The following KIAA0319 variants were observed in gnomAD, a reference collection of about 807,000 sequenced individuals.
KIAA0319 encodes KIAA0319, also known as dyslexia-associated protein KIAA0319.
A neutral mutation model predicts 108.4 loss-of-function variants in KIAA0319; 83 were observed. That is an observed-to-expected ratio of 0.77 (90% CI 0.64 to 0.92). The LOEUF is 0.92. KIAA0319 is among the 40% of genes least tolerant of loss of function. The probability of loss-of-function intolerance (pLI) is 0.00; values close to 1 mark genes in which losing one functional copy is unlikely to be tolerated. For missense variants in KIAA0319, 1,195 were observed against 1,322.4 expected (o/e 0.90, Z 1.49); for synonymous variants, 484 against 510.4 (o/e 0.95, Z 0.70).
chr6:24,543,232 G>T (rs1166786934), downstream of KIAA0319, among the ~76,000 whole-genome samples: 1 of 152,140 alleles, frequency 6.6e-6, no homozygotes, highest in Non-Finnish European at 1.5e-5. Flanking sequence ...TACCATATAT[G>T]AAACTCCAGA....
At chr6:24,642,289 AAAG>A (rs1315104985) in intron 1 of KIAA0319, among the ~76,000 whole-genome samples, 1 of 152,090 alleles carries the variant, frequency 6.6e-6, no homozygotes, top group Non-Finnish European at 1.5e-5. Flanking sequence ...AGAAAGAAAG[AAAG>A]AAGAAAAGAA....
At chr6:24,556,058 G>A (rs60960308) in intron 18 of KIAA0319, among the ~76,000 whole-genome samples, 6,619 of 152,192 alleles carry the variant, frequency 0.043, 412 homozygotes, top group African/African-American at 0.14. Context: ...CAAGTGAGCT[G>A]GTTCACTTGG....
chr6:24,594,628 C>CA (rs35385464), intron 3 of KIAA0319, among the ~76,000 whole-genome samples: 31,905 of 86,458 alleles, frequency 0.37, 4,463 homozygotes, highest in Non-Finnish European at 0.46. Context: ...CTCTGTCTCA[C>CA]AAAAAAAAAA....
chr6:24,603,181 T>C (rs1770898371), intron 1 of KIAA0319, among the ~76,000 whole-genome samples: 1 of 152,250 alleles, frequency 6.6e-6, no homozygotes, highest in African/African-American at 2.4e-5. Flanking sequence ...ATTTAGTTAA[T>C]ATAAGCACTT....
chr6:24,581,139 A>G, intron 6 of KIAA0319, 126 bp from the exon 7 acceptor site: 1 of 664,056 alleles, frequency 1.5e-6, no homozygotes, highest in Non-Finnish European at 2.7e-6. Flanking sequence ...CTCAGGAGAC[A>G]GTCTCATTTG....
chr6:24,583,808 G>T, intron 4 of KIAA0319, 106 bp from the exon 5 acceptor site: 1 of 730,286 alleles, frequency 1.4e-6, no homozygotes, highest in Non-Finnish European at 2.3e-6. Flanking sequence ...AATAACATAT[G>T]CTTTTGTAAT....
intron 1 of KIAA0319, among the ~76,000 whole-genome samples, chr6:24,611,885 C>A (rs998389441): frequency 1.8e-4 from 27 of 151,558 alleles, no homozygotes; most frequent in African/African-American, 6.5e-4. Flanking sequence ...GAGAACCTAT[C>A]CCTTAAAAAA....
chr6:24,580,864 C>A, intron 7 of KIAA0319, 62 bp downstream of exon 7: 2 of 1,074,080 alleles, frequency 1.9e-6, no homozygotes, highest in Non-Finnish European at 2.9e-6. Flanking sequence ...ATAGAGTCAT[C>A]CAGGCACCAA....
rs779914819 is a variant in KIAA0319, at chr6:24,579,999, T to A, written c.1280-49A>T. The A allele has an allele frequency of 2.2e-6, 3 of 1,339,726 alleles. No individual in the cohort carries two copies. In the Admixed American group the frequency reaches 6.2e-5, roughly 28 times the overall value. The allele number at this position is 1,339,726 out of a possible 1,614,324, so 83.0% of individuals were successfully genotyped here. A position where few individuals can be genotyped will look rare whatever the true frequency, so the allele number is the denominator to read the frequency against. On this transcript the variant is annotated intron_variant, in intron 7 of 20. Transcript: ENST00000378214. ...ACTGAGCCCATCTTGTGTAGGCATA[T>A]GTCATTACCCACATAAAATCATCTA...
rs372899347 is a variant in KIAA0319, at chr6:24,583,585, A to C, written c.1093+19T>G. The C allele has an allele frequency of 1.3e-6, 2 of 1,552,108 alleles. No homozygotes were observed. The highest frequency in any genetic ancestry group is 3.4e-5 in the Admixed American group (2 of 59,274). ...ACACCCCAGTTCCTAGTGGTCAGGGAGGAAGGTTAAACTCTCACCTACAGG... is the reference window on the plus strand; with the variant it reads ...ACACCCCAGTTCCTAGTGGTCAGGGCGGAAGGTTAAACTCTCACCTACAGG... On this transcript the variant is annotated intron_variant, in intron 5 of 20. Coordinates refer to ENST00000378214, the MANE Select transcript of KIAA0319 (RefSeq NM_014809.4).
rs559995249 is a variant in KIAA0319, at chr6:24,565,521, G to A, written c.2292+1076C>T. Among the ~76,000 whole-genome samples, 13 of 152,098 alleles carry A rather than the reference G, an allele frequency of 8.5e-5. No individual in the cohort carries two copies. In the East Asian group the frequency reaches 2.3e-3, roughly 27 times the overall value. On this transcript the variant is annotated intron_variant, in intron 14 of 20. Transcript: ENST00000378214. Reference sequence around the variant, plus strand: ...TGTAATCCCAGTACTTTGGGAGGCCGAAGCGGGTGGATCACAAGGTCAAGA... The same window carrying A: ...TGTAATCCCAGTACTTTGGGAGGCCAAAGCGGGTGGATCACAAGGTCAAGA...
Position 24,547,184 on chromosome 6 carries a change from T to C in KIAA0319, c.3200A>G (p.Tyr1067Cys). The change falls in exon 21 of 21, where the codon TAT (tyrosine) becomes TGT (cysteine). Residue 1067 changes from tyrosine to cysteine, a missense_variant. Physicochemically the swap from Tyr to Cys is radical, Grantham distance 194. Coordinates refer to ENST00000378214, the MANE Select transcript of KIAA0319 (RefSeq NM_014809.4). The part of the protein sequence containing the change: ...GSIRNGASFS[Y>C]CSKDR ...GCGCCATTATCTGTCCTTTGAGCAATAACTGAAGGAAGCTCCATTTCTGAT... is the reference window on the plus strand; with the variant it reads ...GCGCCATTATCTGTCCTTTGAGCAACAACTGAAGGAAGCTCCATTTCTGAT... The C allele has an allele frequency of 6.2e-7, 1 of 1,614,152 alleles. No homozygotes were observed. The highest frequency in any genetic ancestry group is 1.7e-5 in the Admixed American group (1 of 60,026).
intron 9 of KIAA0319, among the ~76,000 whole-genome samples, chr6:24,577,179 G>A (rs1484014066): frequency 6.6e-6 from 1 of 152,136 alleles, no homozygotes; most frequent in African/African-American, 2.4e-5. Flanking sequence ...ATTAGCTTTT[G>A]AGATGCTGGG....
chr6:24,556,716 C>T lies in KIAA0319; in HGVS notation c.2748G>A (p.Lys916=), dbSNP rs1762343304. ...LRVDTAGCLL[K]CSGHGHCDPL... ...GGTCGCAGTGACCATGGCCAGAACA[C>T]TTCAGAAGGCAACCTGCAAAGAGGT... is the stretch of plus-strand genomic sequence containing the variant. The change falls in exon 18 of 21, where the codon AAG becomes AAA. Residue 916 remains lysine (K), a synonymous_variant. Coordinates refer to ENST00000378214, the MANE Select transcript of KIAA0319 (RefSeq NM_014809.4). 6.2e-7 allele frequency: 1 copy of T among 1,613,510 alleles called. No homozygotes were observed. Among genetic ancestry groups the T allele is most frequent in the African/African-American group, 1.3e-5 (1 of 74,904 alleles).
chr6:24,547,950 T>C (rs918472372), intron 20 of KIAA0319, among the ~76,000 whole-genome samples: 2 of 152,124 alleles, frequency 1.3e-5, no homozygotes, highest in African/African-American at 4.8e-5. Context: ...GGAGGATCAC[T>C]TGAGGCCAGG....
intron 1 of KIAA0319, among the ~76,000 whole-genome samples, chr6:24,636,551 A>T (rs1413783682): frequency 6.6e-6 from 1 of 152,242 alleles, no homozygotes; most frequent in Non-Finnish European, 1.5e-5. Context: ...AAACTGAAGG[A>T]AGAACAAACA....
chr6:24,576,650 T>C, intron 9 of KIAA0319, 54 bp from the exon 10 acceptor site: 1 of 1,414,428 alleles, frequency 7.1e-7, no homozygotes, highest in South Asian at 1.2e-5. Context: ...CTGGGTGCAG[T>C]GACTCACGCC....
chr6:24,637,078 T>C (rs1019834796), intron 1 of KIAA0319, among the ~76,000 whole-genome samples: 1 of 152,200 alleles, frequency 6.6e-6, no homozygotes, highest in Non-Finnish European at 1.5e-5. Flanking sequence ...TAACAGAAGA[T>C]GAAACATGGT....
At chr6:24,583,498 CG>C in intron 5 of KIAA0319, 105 bp downstream of exon 5, 1 of 754,800 alleles carries the variant, frequency 1.3e-6, no homozygotes, top group South Asian at 1.8e-5. Flanking sequence ...TTTGTGACGT[CG>C]TGCAATACTG....
Sources: gnomAD v4.1 joint callset for allele counts (sites outside exome capture counted in the v4.1 genomes callset) on GRCh38, gnomAD v4.1.1 for gene constraint, MANE v1.5 for transcripts, NCBI Gene and HGNC (gene_info 2026-07-23, HGNC 2026-07-21) for gene names.